The following LPIN1 variants were observed in gnomAD, a reference collection of about 807,000 sequenced individuals.
LPIN1 encodes the protein lipin 1, also known as phosphatidate phosphatase LPIN1.
A neutral mutation model predicts 107.5 loss-of-function variants in LPIN1; 71 were observed. That is an observed-to-expected ratio of 0.66 (90% CI 0.55 to 0.80). The LOEUF (loss-of-function observed/expected upper bound fraction) is 0.80. Ranked by LOEUF, LPIN1 falls within the 30% of genes least tolerant of loss-of-function variation. The probability of loss-of-function intolerance (pLI) is 0.00; values close to 1 mark genes in which losing one functional copy is unlikely to be tolerated. For synonymous variants in LPIN1, 445 were observed against 452.6 expected, an observed-to-expected ratio of 0.98 and a Z score of 0.21; for missense variants, 1,043 against 1,160.6, an observed-to-expected ratio of 0.90 and a Z score of 1.47.
intron 1 of LPIN1, among the ~76,000 whole-genome samples, chr2:11,746,891 C>T (rs1036003891): frequency 6.6e-6 from 1 of 152,180 alleles, no homozygotes; most frequent in South Asian, 2.1e-4. Flanking sequence ...GCCGGGAGGG[C>T]CTCGCGAGCA....
chr2:11,687,584 G>A (rs536237766), intron 1 of LPIN1, among the ~76,000 whole-genome samples: 91 of 152,336 alleles, frequency 6.0e-4, no homozygotes, highest in African/African-American at 2.1e-3. Context: ...TAGTAGGAGA[G>A]AAATACAGAG....
intron 1 of LPIN1, among the ~76,000 whole-genome samples, chr2:11,709,699 A>G (rs989599693): frequency 3.9e-5 from 6 of 152,248 alleles, no homozygotes; most frequent in South Asian, 2.1e-4. Context: ...TTTTACAAAA[A>G]TCTACAAATG....
intron 1 of LPIN1, among the ~76,000 whole-genome samples, chr2:11,753,637 T>C (rs1668204692): frequency 6.6e-6 from 1 of 152,220 alleles, no homozygotes. Flanking sequence ...TGTATCACCC[T>C]GAGTCTGAGC....
rs1212482167 is a variant in LPIN1, at chr2:11,682,574, A to G, written c.81+4846A>G. On this transcript the variant is annotated intron_variant, in intron 1 of 21. Coordinates refer to the LPIN1 transcript ENST00000449576. ...GATAGGAGCTCCCGTCGCGATCGTC[A>G]TCTTTCTGCTGCAGACAGATTTTGT... 5 of 152,296 alleles carry G rather than the reference A, an allele frequency of 3.3e-5. No homozygotes were observed. In the East Asian group the frequency reaches 9.6e-4, roughly 29 times the overall value. 9.4% of individuals were successfully genotyped at this position (152,296 alleles called of 1,614,324 possible).
At chr2:11,798,515 C>T (rs960410151) in intron 14 of LPIN1, among the ~76,000 whole-genome samples, 4 of 152,256 alleles carry the variant, frequency 2.6e-5, no homozygotes, top group South Asian at 4.1e-4. Flanking sequence ...TGGGGTGTCA[C>T]GGATTTTCTC....
chr2:11,752,720 C>A (rs1668048678), intron 1 of LPIN1, among the ~76,000 whole-genome samples: 1 of 152,012 alleles, frequency 6.6e-6, no homozygotes. Context: ...CGTGAGCCAC[C>A]GCGCCCGGCC....
At position 11,707,483 on chromosome 2, in the gene LPIN1, C is replaced by T. The variant is rs562717501; in HGVS notation, c.82-6273C>T. 9.2e-5 allele frequency among the ~76,000 whole-genome samples: 14 copies of T among 152,144 alleles called. No individual in the cohort carries two copies. The South Asian group carries it at 1.0e-3, about 11-fold the overall frequency. On this transcript the variant is annotated intron_variant, in intron 1 of 21. Coordinates refer to the LPIN1 transcript ENST00000449576. The surrounding 1 kb of genome is among the most constrained non-coding windows in gnomAD (Gnocchi z 4.2). ...AATTTACTGAGCAGACCGGGGAGCA[C>T]GGGAAGTTTTGAGCTGAGGAGTGGT...
At chr2:11,772,245 T>C (rs1214633154) in intron 4 of LPIN1, among the ~76,000 whole-genome samples, 3 of 152,188 alleles carry the variant, frequency 2.0e-5, no homozygotes, top group Non-Finnish European at 2.9e-5. Flanking sequence ...CCTCCTGCCA[T>C]GTGGCCCAGT....
intron 1 of LPIN1, among the ~76,000 whole-genome samples, chr2:11,752,524 C>T (rs541325124): frequency 2.1e-5 from 3 of 143,458 alleles, no homozygotes; most frequent in South Asian, 2.2e-4. Flanking sequence ...CTCCGCCTCC[C>T]GGGTTCACGC....
At chr2:11,773,840 T>C (rs1672259915) in intron 5 of LPIN1, 95 bp downstream of exon 5, 1 of 1,450,356 alleles carries the variant, frequency 6.9e-7, no homozygotes. Flanking sequence ...AAATGAAAAG[T>C]GAAAATAATT....
In LPIN1 at chr2:11,735,291, C is replaced by CAA. The variant is rs1213109442; in HGVS notation, c.-71-6044_-71-6043dup. Among the ~76,000 whole-genome samples the CAA allele has an allele frequency of 3.9e-3, 420 of 106,486 alleles. 1 individual carries two copies. The highest frequency in any genetic ancestry group is 0.012 in the African/African-American group (393 of 33,502). 69.9% of individuals were successfully genotyped at this position (106,486 alleles called of 152,430 possible). A position where few individuals can be genotyped will look rare whatever the true frequency, so the allele number is the denominator to read the frequency against. ...CGGCTGACAGAGTAAGACTCTGTCT[C>CAA]AAAAAAAAAAAAAAAGAAAGTGTTC... On this transcript the variant is annotated intron_variant, in intron 1 of 21. Coordinates refer to the LPIN1 transcript ENST00000396097.
intron 1 of LPIN1, among the ~76,000 whole-genome samples, chr2:11,733,705 T>C (rs1251250965): frequency 6.6e-6 from 1 of 152,196 alleles, no homozygotes; most frequent in East Asian, 1.9e-4. Flanking sequence ...TTGCCCAGGC[T>C]GGTCTTGAAC....
At chr2:11,797,344 C>T (rs1676901248) in intron 14 of LPIN1, among the ~76,000 whole-genome samples, 1 of 152,232 alleles carries the variant, frequency 6.6e-6, no homozygotes, top group East Asian at 1.9e-4. Flanking sequence ...GAGGCAACTT[C>T]ATGAGAAAAT....
At chr2:11,767,011 G>A (rs180894265) in intron 2 of LPIN1, among the ~76,000 whole-genome samples, 1 of 152,260 alleles carries the variant, frequency 6.6e-6, no homozygotes, top group African/African-American at 2.4e-5. Flanking sequence ...AGTCAGTTGC[G>A]AGCTTAGAAT....
At chr2:11,801,572 A>G (rs1677738728) in intron 14 of LPIN1, among the ~76,000 whole-genome samples, 1 of 152,172 alleles carries the variant, frequency 6.6e-6, no homozygotes, top group South Asian at 2.1e-4. Context: ...GGAGGTAGAG[A>G]GTAGAATGGT....
chr2:11,819,754 AG>A (rs1681205668), intron 19 of LPIN1, among the ~76,000 whole-genome samples, 156 bp downstream of exon 19: 1 of 152,184 alleles, frequency 6.6e-6, no homozygotes, highest in African/African-American at 2.4e-5. Context: ...TCTAAAGGCA[AG>A]GGGATTACAA....
intron 2 of LPIN1, chr2:11,741,535 A>G: frequency 3.5e-6 from 3 of 859,544 alleles, no homozygotes; most frequent in Non-Finnish European, 5.5e-6. Context: ...AATTGGTTCC[A>G]AACATTGCCA....
intron 1 of LPIN1, among the ~76,000 whole-genome samples, chr2:11,701,470 G>A (rs1464576185): frequency 6.6e-6 from 1 of 152,140 alleles, no homozygotes; most frequent in East Asian, 1.9e-4. Context: ...AAACACTCAT[G>A]CTTGTCACAG....
chr2:11,704,755 C>T (rs1663044246), intron 1 of LPIN1, among the ~76,000 whole-genome samples: 1 of 152,212 alleles, frequency 6.6e-6, no homozygotes, highest in South Asian at 2.1e-4. Flanking sequence ...CCTGGGTCCT[C>T]TATCTCCCCG....
Sources: allele counts gnomAD v4.1 joint callset (sites outside exome capture counted in the v4.1 genomes callset), GRCh38; gene constraint gnomAD v4.1.1; non-coding constraint Gnocchi (gnomAD v3.1); transcripts MANE v1.5; gene names NCBI Gene and HGNC (gene_info 2026-07-23, HGNC 2026-07-21).